The following TNFAIP8 variants were observed in gnomAD, a reference collection of about 807,000 sequenced individuals.
TNFAIP8 encodes the protein tumor necrosis factor alpha-induced protein 8.
A neutral mutation model predicts 13.3 loss-of-function variants in TNFAIP8; 7 were observed. The ratio of observed to expected loss-of-function variants is 0.52; its 90% CI spans 0.30 to 0.99. The LOEUF (loss-of-function observed/expected upper bound fraction) is 0.99, where lower values mean the gene tolerates loss of function less well. Ranked by LOEUF, TNFAIP8 falls within the 50% of genes least tolerant of loss-of-function variation. The probability of loss-of-function intolerance (pLI) is 0.07; values close to 1 mark genes in which losing one functional copy is unlikely to be tolerated. For missense variants in TNFAIP8, 258 were observed against 236.9 expected, an observed-to-expected ratio of 1.09 and a Z score of -0.58; for synonymous variants, 94 against 87.6, an observed-to-expected ratio of 1.07 and a Z score of -0.41.
chr5:119,303,646 A>C (rs1581587630), intron 1 of TNFAIP8, among the ~76,000 whole-genome samples: 3 of 152,326 alleles, frequency 2.0e-5, no homozygotes. Flanking sequence ...AACATAAAAT[A>C]AAAACAAGTT....
At chr5:119,334,591 A>G (rs1036504049) in intron 1 of TNFAIP8, among the ~76,000 whole-genome samples, 6 of 149,694 alleles carry the variant, frequency 4.0e-5, no homozygotes, top group African/African-American at 1.5e-4. Context: ...ACATTCGTCT[A>G]CTAGATGCCT....
intron 1 of TNFAIP8, among the ~76,000 whole-genome samples, chr5:119,296,408 G>C (rs1749178511): frequency 6.6e-6 from 1 of 151,836 alleles, no homozygotes; most frequent in African/African-American, 2.4e-5. Context: ...CTTTGGTTCT[G>C]TTTATATGCT....
intron 1 of TNFAIP8, among the ~76,000 whole-genome samples, chr5:119,279,236 C>T (rs1296788470): frequency 6.6e-6 from 1 of 152,236 alleles, no homozygotes; most frequent in Non-Finnish European, 1.5e-5. Context: ...GATTTACACT[C>T]TGGTGGCTCA....
intron 1 of TNFAIP8, chr5:119,333,407 T>C (rs2112710663): frequency 2.9e-6 from 4 of 1,360,452 alleles, no homozygotes; most frequent in East Asian, 5.3e-5. Flanking sequence ...GACCAGTGCC[T>C]TCTGTGCATT....
upstream of TNFAIP8, among the ~76,000 whole-genome samples, chr5:119,351,788 C>CTTTTTTTTTTTTTTTTTTTTTTTTTTTT (rs1177061965): frequency 2.2e-5 from 3 of 138,284 alleles, no homozygotes; most frequent in African/African-American, 5.9e-5. Flanking sequence ...TTTTCTTTTT[C>CTTTTTTTTTTTTTTTTTTTTTTTTTTTT]TTTTTTTCTT....
chr5:119,336,777 A>C (rs11955852), intron 1 of TNFAIP8, among the ~76,000 whole-genome samples: 15,950 of 152,244 alleles, frequency 0.1, 1,046 homozygotes, highest in African/African-American at 0.2. Flanking sequence ...CCTCACCCTG[A>C]AAGTTGGTAA....
intron 1 of TNFAIP8, among the ~76,000 whole-genome samples, chr5:119,308,807 A>G (rs1749643529): frequency 6.9e-6 from 1 of 144,674 alleles, no homozygotes; most frequent in Non-Finnish European, 1.5e-5. Context: ...GTGAGCCAAG[A>G]TTGTGCCACT....
At chr5:119,360,578 A>G (rs551302843) in intron 1 of TNFAIP8, among the ~76,000 whole-genome samples, 122 of 152,320 alleles carry the variant, frequency 8.0e-4, no homozygotes, top group Non-Finnish European at 1.4e-3. Context: ...GACTTTGCCA[A>G]TCCTTCTTTC....
intron 1 of TNFAIP8, among the ~76,000 whole-genome samples, chr5:119,302,807 A>C (rs1039902660): frequency 1.3e-5 from 2 of 152,214 alleles, no homozygotes; most frequent in Non-Finnish European, 2.9e-5. Flanking sequence ...CTGAGATGAA[A>C]AGGAGAATGC....
chr5:119,306,189 C>T lies in TNFAIP8; in HGVS notation c.1+37282C>T, dbSNP rs142582270. On this transcript the variant is annotated intron_variant, in intron 1 of 1. Transcript: ENST00000274456. ...AAAACTTGCCTAAATGATCAGAAAA[C>T]AGAAAAGAAGCAGAAGAGCTAGGTG... Among the ~76,000 whole-genome samples the T allele has an allele frequency of 1.2e-3, 183 of 152,304 alleles. 2 individuals are homozygous for T. The highest frequency in any genetic ancestry group is 9.5e-3 in the Admixed American group (145 of 15,300).
chr5:119,335,193 G>A (rs1750513703), intron 1 of TNFAIP8, among the ~76,000 whole-genome samples: 1 of 152,102 alleles, frequency 6.6e-6, no homozygotes, highest in African/African-American at 2.4e-5. Context: ...ATTGCCTGTG[G>A]GAGCATCACC....
At chr5:119,333,331 C>T in intron 1 of TNFAIP8, 1 of 1,265,134 alleles carries the variant, frequency 7.9e-7, no homozygotes, top group Non-Finnish European at 1.0e-6. Flanking sequence ...TAATGCATTC[C>T]ACTACAAGTG....
At chr5:119,316,869 C>T (rs1749912445) in intron 1 of TNFAIP8, among the ~76,000 whole-genome samples, 1 of 152,170 alleles carries the variant, frequency 6.6e-6, no homozygotes, top group Non-Finnish European at 1.5e-5. Context: ...GAGGGGTTTG[C>T]TGCTGGTATC....
At chr5:119,342,083 C>G (rs1320706918) in intron 1 of TNFAIP8, among the ~76,000 whole-genome samples, 1 of 152,192 alleles carries the variant, frequency 6.6e-6, no homozygotes, top group Non-Finnish European at 1.5e-5. Flanking sequence ...GAATTCTTTA[C>G]TCTTAGCTGT....
chr5:119,334,088 C>A (rs1750469442), intron 1 of TNFAIP8, among the ~76,000 whole-genome samples: 1 of 148,316 alleles, frequency 6.7e-6, no homozygotes. Flanking sequence ...TATTTCTATT[C>A]TCTTATTGGA....
At chr5:119,355,979 G>T, upstream of TNFAIP8, 1 of 1,507,550 alleles carries the variant, frequency 6.6e-7, no homozygotes. Context: ...GATTTTAGTG[G>T]CTTTCTTCCT....
At chr5:119,364,095 G>T (rs570304110) in intron 1 of TNFAIP8, among the ~76,000 whole-genome samples, 1 of 152,166 alleles carries the variant, frequency 6.6e-6, no homozygotes, top group African/African-American at 2.4e-5. Flanking sequence ...TTGGCCATTG[G>T]TGATTAAACT....
intron 1 of TNFAIP8, among the ~76,000 whole-genome samples, chr5:119,286,017 G>A (rs1238497339): frequency 6.6e-6 from 1 of 152,098 alleles, no homozygotes; most frequent in Non-Finnish European, 1.5e-5. Context: ...ACTATGAGTT[G>A]AAAGAAAAAG....
upstream of TNFAIP8, chr5:119,355,517 A>G (rs1052512687): frequency 6.8e-6 from 4 of 588,522 alleles, no homozygotes; most frequent in Non-Finnish European, 1.2e-5. Flanking sequence ...TACAAAAATA[A>G]CATACCAAAG....
Sources: gnomAD v4.1 joint callset for allele counts (sites outside exome capture counted in the v4.1 genomes callset) on GRCh38, gnomAD v4.1.1 for gene constraint, MANE v1.5 for transcripts, NCBI Gene and HGNC (gene_info 2026-07-23, HGNC 2026-07-21) for gene names.